Variants in TULP4 observed in about 807,000 individuals in gnomAD.
TULP4 encodes TUB like protein 4.
TULP4 carries 16 observed loss-of-function variants against 129.0 expected under a neutral mutation model. The observed-to-expected ratio is 0.12, with a 90% confidence interval of 0.08 to 0.19. TULP4 has a LOEUF of 0.19. Among genes scored for constraint, TULP4 ranks in the 10% least tolerant of loss-of-function variants. The pLI, the probability that TULP4 is intolerant of heterozygous loss-of-function variation, is 1.00. For missense variants in TULP4, 1,842 were observed against 2,059.1 expected (o/e 0.89, Z 2.04); for synonymous variants, 998 against 854.0 (o/e 1.17, Z -2.94).
rs1385446340 is a variant in TULP4 at position 158,461,560 on chromosome 6, C to T, written c.860-3C>T. ...TGTGCTGACCCTCTCTCCTCTGTTT[C>T]AGAGGTGGTAGCCCAGTGGTGCACA... On this transcript the variant is annotated splice_region_variant and splice_polypyrimidine_tract_variant and intron_variant, in intron 5 of 13. Transcript: ENST00000367097. 6.2e-7 allele frequency: 1 copy of T among 1,612,454 alleles called. No homozygotes were observed. Among genetic ancestry groups the T allele is most frequent in the Admixed American group, 1.7e-5 (1 of 59,956 alleles).
intron 2 of TULP4, among the ~76,000 whole-genome samples, chr6:158,422,748 G>C (rs1778375859): frequency 6.6e-6 from 1 of 152,214 alleles, no homozygotes; most frequent in Non-Finnish European, 1.5e-5. Flanking sequence ...ATAGGGCTCA[G>C]GGGATTGGTT....
upstream of TULP4, among the ~76,000 whole-genome samples, chr6:158,310,787 AC>A (rs1457798963): frequency 1.3e-5 from 2 of 152,160 alleles, no homozygotes; most frequent in Admixed American, 1.3e-4. Context: ...ACTGTATAAT[AC>A]ATGCTTTTTC....
intron 1 of TULP4, among the ~76,000 whole-genome samples, chr6:158,320,665 C>T (rs1031732938): frequency 1.3e-5 from 2 of 152,170 alleles, no homozygotes; most frequent in African/African-American, 4.8e-5. Flanking sequence ...CTCCTGGTCT[C>T]AGGTGATCCA....
chr6:158,252,776 CT>C (rs1444459331), intron 1 of TULP4, among the ~76,000 whole-genome samples: 1 of 152,058 alleles, frequency 6.6e-6, no homozygotes, highest in Non-Finnish European at 1.5e-5. Context: ...CCAGTTTTTT[CT>C]TTTTTTCCCC....
chr6:158,355,884 G>C (rs1460658444), intron 1 of TULP4, among the ~76,000 whole-genome samples: 1 of 152,202 alleles, frequency 6.6e-6, no homozygotes, highest in East Asian at 1.9e-4. Context: ...AGTGAAAGAA[G>C]CTGGACATGG....
At chr6:158,366,280 T>C (rs1182979241) in intron 1 of TULP4, among the ~76,000 whole-genome samples, 1 of 152,220 alleles carries the variant, frequency 6.6e-6, no homozygotes, top group Non-Finnish European at 1.5e-5. Flanking sequence ...TGGACTTCTT[T>C]GTCCCCCTCT....
intron 1 of TULP4, among the ~76,000 whole-genome samples, chr6:158,357,096 G>T (rs1420227866): frequency 1.3e-5 from 2 of 152,216 alleles, no homozygotes; most frequent in Non-Finnish European, 1.5e-5. Flanking sequence ...CCCAGGGAGT[G>T]CCCGAGCGTC....
At chr6:158,439,870 C>A (rs1296026215) in intron 3 of TULP4, among the ~76,000 whole-genome samples, 1 of 151,376 alleles carries the variant, frequency 6.6e-6, no homozygotes, top group Non-Finnish European at 1.5e-5. Context: ...CGCCACCATG[C>A]CCGGCTAATT....
intron 1 of TULP4, among the ~76,000 whole-genome samples, chr6:158,264,848 C>T (rs1562499066): frequency 6.6e-6 from 1 of 152,094 alleles, no homozygotes; most frequent in Non-Finnish European, 1.5e-5. Flanking sequence ...AAATAGAATG[C>T]CTTGAACCAT....
At chr6:158,469,797 G>A (rs1779633750) in intron 6 of TULP4, among the ~76,000 whole-genome samples, 1 of 151,768 alleles carries the variant, frequency 6.6e-6, no homozygotes, top group Non-Finnish European at 1.5e-5. Flanking sequence ...TTGGGTAGTG[G>A]AGTGATAGCC....
At chr6:158,305,444 A>G (rs950222224) in intron 1 of TULP4, among the ~76,000 whole-genome samples, 2 of 151,434 alleles carry the variant, frequency 1.3e-5, no homozygotes, top group African/African-American at 4.9e-5. Flanking sequence ...TCACACCTGT[A>G]ATTCCAGCCC....
intron 1 of TULP4, among the ~76,000 whole-genome samples, chr6:158,382,760 T>C (rs1583819522): frequency 6.6e-6 from 1 of 152,164 alleles, no homozygotes; most frequent in African/African-American, 2.4e-5. Flanking sequence ...CCTGGAGAAA[T>C]GGTAATTTCC....
At chr6:158,319,000 C>T (rs1315764478) in intron 1 of TULP4, among the ~76,000 whole-genome samples, 1 of 151,562 alleles carries the variant, frequency 6.6e-6, no homozygotes, top group Admixed American at 6.6e-5. Flanking sequence ...CCCACCTCAG[C>T]CTCCCAAAGT....
At chr6:158,368,413 A>G (rs1030463060) in intron 1 of TULP4, among the ~76,000 whole-genome samples, 1 of 152,128 alleles carries the variant, frequency 6.6e-6, no homozygotes, top group Non-Finnish European at 1.5e-5. Flanking sequence ...AGCGATTCTC[A>G]TGCCTCAGCC....
Position 158,413,011 on chromosome 6 carries a change from T to A in TULP4, c.253-54T>A. 3.2e-6 allele frequency: 5 copies of A among 1,569,828 alleles called. No homozygotes were observed. The highest frequency in any genetic ancestry group is 4.3e-6 in the Non-Finnish European group (5 of 1,155,120). On this transcript the variant is annotated intron_variant, in intron 1 of 13. Coordinates refer to ENST00000367097, the MANE Select transcript of TULP4 (RefSeq NM_020245.5). This position sits in a 1 kb window ranked among gnomAD's most constrained non-coding sequence, Gnocchi z 4.9. ...AAGTCTGATCACATCACAGAAATAA[T>A]CCTGGCCCACAGATTTATTTCCTGT...
rs1251385882 is a variant in TULP4, at chr6:158,427,470, C to CTTTTTTTTTT, written c.382-2266_382-2265insTTTTTTTTTT. Among the ~76,000 whole-genome samples the CTTTTTTTTTT allele has an allele frequency of 4.0e-4, 40 of 100,686 alleles. 2 individuals carry two copies. Among genetic ancestry groups the CTTTTTTTTTT allele is most frequent in the Non-Finnish European group, 5.4e-4 (28 of 51,420 alleles). The allele number at this position is 100,686 out of a possible 152,430, so 66.1% of individuals were successfully genotyped here. On this transcript the variant is annotated intron_variant, in intron 2 of 13. Coordinates refer to ENST00000367097, the MANE Select transcript of TULP4 (RefSeq NM_020245.5). ...CAAATTCCTTTTCAAAATTATCAGACCTTTTTTTTTTTTTTTTTTTTTTTT... is the reference window on the plus strand; with the variant it reads ...CAAATTCCTTTTCAAAATTATCAGACTTTTTTTTTTCTTTTTTTTTTTTTTTTTTTTTTTT...
upstream of TULP4, chr6:158,312,383 T>G (rs1779376160): frequency 2.8e-6 from 1 of 352,748 alleles, no homozygotes; most frequent in African/African-American, 2.1e-5. Flanking sequence ...AAAAAAAATT[T>G]GCGCAGATTA....
chr6:158,508,623 A>T lies in TULP4; in HGVS notation c.*1929A>T, dbSNP rs1780657584. 6.6e-6 allele frequency: 1 copy of T among 152,560 alleles called. No homozygotes were observed. Among genetic ancestry groups the T allele is most frequent in the South Asian group, 2.1e-4 (1 of 4,830 alleles). 9.5% of individuals were successfully genotyped at this position (152,560 alleles called of 1,614,324 possible). On this transcript the variant is annotated 3_prime_UTR_variant, in exon 14 of 14. Transcript: ENST00000367097. ...CTTTTATATGAGTTTATGTAGCTTG[A>T]TATGGTGTTTCAGTGCTTATTGGTT...
In TULP4 at chr6:158,366,007, A is replaced by G. The variant is rs555490775; in HGVS notation, c.253-47058A>G. On this transcript the variant is annotated intron_variant, in intron 1 of 13. Transcript: ENST00000367097. ...AAGCTGCACCTCCCAGGTTCATGCC[A>G]TTCTCCTGCCTCAGCCTCCCTAGTA... Among the ~76,000 whole-genome samples, 9 of 134,238 alleles carry G rather than the reference A, an allele frequency of 6.7e-5. No individual in the cohort carries two copies. In the South Asian group the frequency reaches 9.3e-4, roughly 14 times the overall value. 88.1% of individuals were successfully genotyped at this position (134,238 alleles called of 152,430 possible). A position where few individuals can be genotyped will look rare whatever the true frequency, so the allele number is the denominator to read the frequency against.
Sources: gnomAD v4.1 joint callset for allele counts (sites outside exome capture counted in the v4.1 genomes callset) on GRCh38, gnomAD v4.1.1 for gene constraint, Gnocchi (gnomAD v3.1) non-coding constraint, MANE v1.5 for transcripts, NCBI Gene and HGNC (gene_info 2026-07-23, HGNC 2026-07-21) for gene names.